The following CADM1 variants were observed in gnomAD, a reference collection of about 807,000 sequenced individuals.
The protein encoded by CADM1 is cell adhesion molecule 1.
CADM1 carries 15 observed loss-of-function variants against 53.1 expected under a neutral mutation model. The observed-to-expected ratio is 0.28, with a 90% CI of 0.19 to 0.44. CADM1 has a LOEUF of 0.44. CADM1 is among the 20% of genes least tolerant of loss of function. The pLI is 1.00. For missense variants in CADM1, 434 were observed against 611.3 expected (o/e 0.71, Z 3.06); for synonymous variants, 281 against 243.0 (o/e 1.16, Z -1.45).
At chr11:115,386,055 G>A (rs1946692393) in intron 1 of CADM1, among the ~76,000 whole-genome samples, 1 of 152,206 alleles carries the variant, frequency 6.6e-6, no homozygotes, top group Admixed American at 6.5e-5. Context: ...AAGCAATTTT[G>A]AAGTTTGTTG....
intron 1 of CADM1, among the ~76,000 whole-genome samples, chr11:115,296,409 G>A (rs1464622378): frequency 6.6e-6 from 1 of 152,182 alleles, no homozygotes; most frequent in African/African-American, 2.4e-5. Context: ...TCTGGGCTAT[G>A]AGGGCAGATC....
intron 1 of CADM1, among the ~76,000 whole-genome samples, chr11:115,252,816 C>T (rs908437650): frequency 5.3e-5 from 8 of 152,160 alleles, no homozygotes; most frequent in Non-Finnish European, 8.8e-5. Context: ...AGTCAGCTTT[C>T]CATATAACTA....
chr11:115,456,590 G>C (rs1328831364), intron 1 of CADM1, among the ~76,000 whole-genome samples: 3 of 152,000 alleles, frequency 2.0e-5, no homozygotes, highest in Non-Finnish European at 4.4e-5. Flanking sequence ...ATAAGACATA[G>C]GACTAGTTGA....
chr11:115,171,663 T>TCAC lies in CADM1; in HGVS notation c.*4808_*4810dup, dbSNP rs1938795188. On this transcript the variant is annotated 3_prime_UTR_variant, in exon 12 of 12. Transcript: ENST00000331581. Reference sequence around the variant, plus strand: ...AGCTCAAAAGGCAAATGTACAGCAGTCACCACCTCCTGTCTGCCTCAGCTC... The same window carrying TCAC: ...AGCTCAAAAGGCAAATGTACAGCAGTCACCACCACCTCCTGTCTGCCTCAGCTC... 2 of 152,320 alleles carry TCAC rather than the reference T, an allele frequency of 1.3e-5. No homozygotes were observed. Among genetic ancestry groups the TCAC allele is most frequent in the African/African-American group, 2.4e-5 (1 of 41,558 alleles). 9.4% of individuals were successfully genotyped at this position (152,320 alleles called of 1,614,324 possible).
At chr11:115,177,557 C>T (rs921474388) in intron 11 of CADM1, among the ~76,000 whole-genome samples, 3 of 152,004 alleles carry the variant, frequency 2.0e-5, no homozygotes, top group Non-Finnish European at 4.4e-5. Flanking sequence ...AGAGGTCAAA[C>T]GCTTCTCAGT....
At chr11:115,357,578 G>A (rs7125819) in intron 1 of CADM1, among the ~76,000 whole-genome samples, 48,721 of 151,974 alleles carry the variant, frequency 0.32, 8,944 homozygotes, top group Non-Finnish European at 0.43. Context: ...TCTAGGGCAT[G>A]TTACTTAACT....
intron 1 of CADM1, among the ~76,000 whole-genome samples, chr11:115,266,939 A>C (rs1238522343): frequency 2.0e-5 from 3 of 152,268 alleles, no homozygotes; most frequent in Non-Finnish European, 4.4e-5. Context: ...ATAAATAATA[A>C]ATCAGAATAC....
In CADM1 at chr11:115,238,588, T is replaced by A; in HGVS notation, c.336A>T (p.Thr112=). The A allele has an allele frequency of 1.9e-6, 3 of 1,613,922 alleles. No homozygotes were observed. Among genetic ancestry groups the A allele is most frequent in the Non-Finnish European group, 2.5e-6 (3 of 1,179,860 alleles). The change falls in exon 3 of 12, where the codon ACA becomes ACT. Residue 112 remains threonine (T), a synonymous_variant. Coordinates refer to ENST00000331581, the MANE Select transcript of CADM1 (RefSeq NM_001301043.2). The part of the protein sequence containing the change: ...FSSSELKVSL[T]NVSISDEGRY... ...TTCCTTCATCAGAAATTGAGACGTT[T>A]GTCAATGATACTTTGAGTTCACTGC...
chr11:115,192,132 T>A (rs1939902975), intron 9 of CADM1, among the ~76,000 whole-genome samples: 1 of 152,214 alleles, frequency 6.6e-6, no homozygotes, highest in Admixed American at 6.5e-5. Flanking sequence ...AAGGCCCAAA[T>A]GAACCACAAC....
At chr11:115,186,477 A>G (rs1186490861) in intron 10 of CADM1, among the ~76,000 whole-genome samples, 1 of 152,158 alleles carries the variant, frequency 6.6e-6, no homozygotes, top group African/African-American at 2.4e-5. Flanking sequence ...GGATTACCAA[A>G]GGCTCCAGCA....
At chr11:115,293,325 C>T (rs952429117) in intron 1 of CADM1, among the ~76,000 whole-genome samples, 1 of 152,018 alleles carries the variant, frequency 6.6e-6, no homozygotes, top group African/African-American at 2.4e-5. Context: ...CCCAGCTACT[C>T]GGGAGGCTGA....
intron 10 of CADM1, among the ~76,000 whole-genome samples, chr11:115,180,416 G>A (rs1296407677): frequency 6.6e-6 from 1 of 152,178 alleles, no homozygotes; most frequent in African/African-American, 2.4e-5. Context: ...GAGTTTAATT[G>A]GAGAAGGGAG....
chr11:115,224,047 T>A (rs1442009127), intron 5 of CADM1, among the ~76,000 whole-genome samples: 4 of 150,890 alleles, frequency 2.7e-5, no homozygotes, highest in African/African-American at 4.9e-5. Context: ...GCTATTATGC[T>A]CTGAAGAATA....
At chr11:115,328,668 ATATATATATGTG>A (rs1565367772) in intron 1 of CADM1, among the ~76,000 whole-genome samples, 1 of 117,870 alleles carries the variant, frequency 8.5e-6, no homozygotes, top group Non-Finnish European at 1.7e-5. Flanking sequence ...CACGCACACT[ATATATATATGTG>A]TATATATATG....
In CADM1 at chr11:115,498,777, G is replaced by A. The variant is rs542955978; in HGVS notation, c.124+5494C>T. ...GTACATCCAGGTGAGAATACTGTGC[G>A]TACGGCCAGATAATAATACTGTGAT... is the stretch of plus-strand genomic sequence containing the variant. On this transcript the variant is annotated intron_variant, in intron 1 of 11. Transcript: ENST00000331581. 3.5e-4 allele frequency among the ~76,000 whole-genome samples: 54 copies of A among 152,260 alleles called. No homozygotes were observed. The South Asian group carries it at 4.2e-3, about 12-fold the overall frequency.
chr11:115,241,954 T>G (rs1330588571), intron 1 of CADM1, among the ~76,000 whole-genome samples: 1 of 151,428 alleles, frequency 6.6e-6, no homozygotes, highest in Non-Finnish European at 1.5e-5. Flanking sequence ...CTATCATATT[T>G]CTGTTGAAGG....
At chr11:115,369,272 ATT>A in intron 1 of CADM1, among the ~76,000 whole-genome samples, 1 of 152,050 alleles carries the variant, frequency 6.6e-6, no homozygotes, top group African/African-American at 2.4e-5. Context: ...ACCTTCATAT[ATT>A]TCTTATGGCA....
intron 1 of CADM1, among the ~76,000 whole-genome samples, chr11:115,241,469 G>C (rs1942227068): frequency 6.6e-6 from 1 of 152,154 alleles, no homozygotes; most frequent in African/African-American, 2.4e-5. Context: ...ATTGGGAAGG[G>C]GAGAGAGAGA....
intron 1 of CADM1, among the ~76,000 whole-genome samples, chr11:115,295,844 A>C (rs898522507): frequency 1.3e-5 from 2 of 152,062 alleles, no homozygotes; most frequent in East Asian, 3.9e-4. Context: ...CCTTCTATTT[A>C]GAATACCTTC....
Sources: allele counts gnomAD v4.1 joint callset (sites outside exome capture counted in the v4.1 genomes callset), GRCh38; gene constraint gnomAD v4.1.1; transcripts MANE v1.5; gene names NCBI Gene and HGNC (gene_info 2026-07-23, HGNC 2026-07-21).